MAP2K3: variants seen among roughly 807,000 people sequenced by gnomAD.
MAP2K3 encodes the protein mitogen-activated protein kinase kinase 3, also known as dual specificity mitogen-activated protein kinase kinase 3.
Under a neutral mutation model 46.4 loss-of-function variants are expected in MAP2K3, and 30 were observed. The observed-to-expected ratio is 0.65, with a 90% CI of 0.48 to 0.88. The LOEUF (loss-of-function observed/expected upper bound fraction) is 0.88. MAP2K3 is among the 40% of genes least tolerant of loss of function. The probability of loss-of-function intolerance (pLI) is 0.00; values close to 1 mark genes in which losing one functional copy is unlikely to be tolerated. For synonymous variants in MAP2K3, 189 were observed against 176.3 expected (o/e 1.07, Z -0.57); for missense variants, 380 against 464.5 (o/e 0.82, Z 1.67).
chr17:21,303,141 A>T, intron 6 of MAP2K3, 42 bp from the exon 7 acceptor site: 2 of 1,613,562 alleles, frequency 1.2e-6, no homozygotes, highest in South Asian at 2.2e-5. Context: ...GACCAGGAAT[A>T]ACAGAGTCCT....
At chr17:21,295,909 A>C (rs1976218462) in intron 1 of MAP2K3, 3 of 1,265,586 alleles carry the variant, frequency 2.4e-6, no homozygotes, top group East Asian at 5.6e-5. Flanking sequence ...TGGACCCCAC[A>C]GGGAAAGGGT....
At position 21,296,792 on chromosome 17, in the gene MAP2K3, T is replaced by C. The variant is rs936436090; in HGVS notation, c.50-1621T>C. Among the ~76,000 whole-genome samples, 4 of 152,426 alleles carry C rather than the reference T, an allele frequency of 2.6e-5. No individual in the cohort carries two copies. The East Asian group carries it at 5.8e-4, about 22-fold the overall frequency. On this transcript the variant is annotated intron_variant, in intron 1 of 11. Transcript: ENST00000342679. ...CATGCGGTCCCTGACAGCCAGGGTG[T>C]TGCTGCATCTTAAAATGAGATAAAA...
intron 9 of MAP2K3, among the ~76,000 whole-genome samples, chr17:21,311,253 G>C (rs557825385): frequency 3.9e-5 from 6 of 152,326 alleles, no homozygotes; most frequent in African/African-American, 1.4e-4. Context: ...GGGCCCTTGT[G>C]CTGGAGCCTC....
intron 11 of MAP2K3, 162 bp downstream of exon 11, chr17:21,313,699 C>A (rs1319880): frequency 3.1e-6 from 2 of 655,350 alleles, no homozygotes; most frequent in East Asian, 2.7e-5. Flanking sequence ...TCCTGCATAC[C>A]TGGCTCCCTC....
chr17:21,298,017 G>A (rs1434882688), intron 1 of MAP2K3, among the ~76,000 whole-genome samples: 1 of 152,304 alleles, frequency 6.6e-6, no homozygotes, highest in Non-Finnish European at 1.5e-5. Context: ...TGAAGCCCCT[G>A]TACAGTGGCT....
At chr17:21,296,776 C>T (rs1387996961) in intron 1 of MAP2K3, among the ~76,000 whole-genome samples, 1 of 152,310 alleles carries the variant, frequency 6.6e-6, no homozygotes, top group Non-Finnish European at 1.5e-5. Flanking sequence ...CCATGCGGTC[C>T]CTGACAGCCA....
intron 9 of MAP2K3, among the ~76,000 whole-genome samples, chr17:21,310,852 T>C (rs575976645): frequency 2.2e-4 from 33 of 152,372 alleles, no homozygotes; most frequent in Non-Finnish European, 3.8e-4. Context: ...TTGTTTTTCA[T>C]TTTTTGAGCT....
At chr17:21,300,020 G>A (rs538626510) in intron 3 of MAP2K3, among the ~76,000 whole-genome samples, 8 of 152,422 alleles carry the variant, frequency 5.2e-5, no homozygotes, top group Admixed American at 1.3e-4. Context: ...TGTCCTTGAC[G>A]ATACTCCCTC....
intron 1 of MAP2K3, chr17:21,295,559 C>G (rs1226086631): frequency 1.6e-6 from 2 of 1,248,248 alleles, no homozygotes; most frequent in African/African-American, 1.5e-5. Flanking sequence ...TCTGCAGCAG[C>G]CTGAGGCCTG....
intron 1 of MAP2K3, among the ~76,000 whole-genome samples, chr17:21,293,279 C>T (rs1239247437): frequency 6.6e-6 from 1 of 152,310 alleles, no homozygotes; most frequent in Non-Finnish European, 1.5e-5. Context: ...GTGCCTTGTG[C>T]CCCAGCCACT....
rs1975675801 is a variant in MAP2K3 at position 21,284,747 on chromosome 17, T to A, written c.-174T>A. The A allele has an allele frequency of 1.6e-6, 1 of 614,404 alleles. No homozygotes were observed. The highest frequency in any genetic ancestry group is 2.6e-6 in the Non-Finnish European group (1 of 382,854). The allele number at this position is 614,404 out of a possible 1,614,324, so 38.1% of individuals were successfully genotyped here. ...GGCGCCGCCCGTCGCGGACTCGTCCTTGCTGCAGTCGCCGCCGCAGTCCTC... is the reference window on the plus strand; with the variant it reads ...GGCGCCGCCCGTCGCGGACTCGTCCATGCTGCAGTCGCCGCCGCAGTCCTC... On this transcript the variant is annotated 5_prime_UTR_variant, in exon 1 of 12. The change creates a new upstream start codon in the 5' untranslated region. Coordinates refer to ENST00000342679, the MANE Select transcript of MAP2K3 (RefSeq NM_145109.3).
chr17:21,301,126 C>T (rs1976576490), intron 5 of MAP2K3, 133 bp downstream of exon 5: 4 of 1,460,840 alleles, frequency 2.7e-6, no homozygotes, highest in Non-Finnish European at 3.7e-6. Flanking sequence ...GCTCCCCCGT[C>T]TCTTGGCTGT....
chr17:21,301,805 G>T (rs1976616524), intron 5 of MAP2K3, among the ~76,000 whole-genome samples: 1 of 152,302 alleles, frequency 6.6e-6, no homozygotes, highest in African/African-American at 2.4e-5. Context: ...TCGGTCAGCA[G>T]GGCCGGCTGT....
chr17:21,300,234 T>A (rs1283627179), intron 3 of MAP2K3, among the ~76,000 whole-genome samples: 1 of 152,308 alleles, frequency 6.6e-6, no homozygotes, highest in Non-Finnish European at 1.5e-5. Flanking sequence ...GCCAGCTGAG[T>A]GGGGTCGGGA....
chr17:21,298,536 T>C, intron 2 of MAP2K3, 57 bp downstream of exon 2: 1 of 1,613,708 alleles, frequency 6.2e-7, no homozygotes, highest in Non-Finnish European at 8.5e-7. Flanking sequence ...CGAACAGGGC[T>C]CAATGGAAGG....
chr17:21,303,757 G>A (rs895924233), intron 7 of MAP2K3, among the ~76,000 whole-genome samples: 1 of 152,312 alleles, frequency 6.6e-6, no homozygotes, highest in African/African-American at 2.4e-5. Flanking sequence ...TTTTGCTGCT[G>A]AGCACAAGTC....
intron 9 of MAP2K3, among the ~76,000 whole-genome samples, chr17:21,305,680 A>G (rs1976857982): frequency 6.6e-6 from 1 of 152,308 alleles, no homozygotes; most frequent in Non-Finnish European, 1.5e-5. Context: ...GTTGCCTGGC[A>G]GAACCCCATG....
At chr17:21,292,149 C>T (rs2144483541) in intron 1 of MAP2K3, among the ~76,000 whole-genome samples, 1 of 152,426 alleles carries the variant, frequency 6.6e-6, no homozygotes, top group East Asian at 1.9e-4. Context: ...CACCCTCCAG[C>T]CTGAGCAGCC....
In MAP2K3 at chr17:21,298,898, C is replaced by T; in HGVS notation, c.137C>T (p.Ser46Phe). ...CACAGACCCCCCCGGAACCTGGACT[C>T]CCGGACCTTCATCACCATTGGAGAC... ...PNPTPPRNLD[S>F]RTFITIGDRN... is the part of the protein sequence containing the mutation. Residue 46 changes from serine to phenylalanine, a missense_variant, in exon 3 of 12, where the codon TCC becomes TTC. Around this residue, in one of 5 missense-constraint regions of MAP2K3, gnomAD observed 294 missense variants for 275.4 expected, o/e 1.07. Coordinates refer to ENST00000342679, the MANE Select transcript of MAP2K3 (RefSeq NM_145109.3). 6.2e-7 allele frequency: 1 copy of T among 1,614,308 alleles called. No homozygotes were observed. Among genetic ancestry groups the T allele is most frequent in the Non-Finnish European group, 8.5e-7 (1 of 1,180,058 alleles).
Sources: gnomAD v4.1 joint callset for allele counts (sites outside exome capture counted in the v4.1 genomes callset) on GRCh38, gnomAD v4.1.1 for gene constraint, gnomAD v4.1.1 regional missense constraint, MANE v1.5 for transcripts, NCBI Gene and HGNC (gene_info 2026-07-23, HGNC 2026-07-21) for gene names.